CFAP20DC: variants seen among roughly 807,000 people sequenced by gnomAD.
CFAP20DC encodes protein CFAP20DC.
CFAP20DC carries 84 observed loss-of-function variants against 101.7 expected under a neutral mutation model. That is an observed-to-expected ratio of 0.83 (90% CI 0.69 to 0.99). The LOEUF (loss-of-function observed/expected upper bound fraction) is 0.99. Ranked by LOEUF, CFAP20DC falls within the 50% of genes least tolerant of loss-of-function variation. The pLI, the probability that CFAP20DC is intolerant of heterozygous loss-of-function variation, is 0.00. For synonymous variants in CFAP20DC, 359 were observed against 351.2 expected (o/e 1.02, Z -0.25); for missense variants, 1,007 against 970.3 (o/e 1.04, Z -0.50).
intron 13 of CFAP20DC, among the ~76,000 whole-genome samples, chr3:58,835,069 T>C (rs2076646570): frequency 6.6e-6 from 1 of 152,160 alleles, no homozygotes; most frequent in South Asian, 2.1e-4. Flanking sequence ...CCTGTTCTTA[T>C]TATTTTTTCC....
At chr3:58,841,433 T>C (rs190270026) in intron 13 of CFAP20DC, among the ~76,000 whole-genome samples, 2 of 152,358 alleles carry the variant, frequency 1.3e-5, no homozygotes, top group Admixed American at 1.3e-4. Context: ...AATTTACAAA[T>C]TCATTTTTTC....
intron 4 of CFAP20DC, among the ~76,000 whole-genome samples, chr3:58,949,632 C>T (rs1363872442): frequency 2.0e-5 from 3 of 151,994 alleles, no homozygotes; most frequent in African/African-American, 7.2e-5. Context: ...TTTGATTGCA[C>T]AATCCAGCAT....
intron 7 of CFAP20DC, among the ~76,000 whole-genome samples, chr3:58,870,989 A>G (rs1057047490): frequency 2.6e-5 from 4 of 151,932 alleles, no homozygotes; most frequent in Non-Finnish European, 4.4e-5. Flanking sequence ...TTTAAATATA[A>G]TTATTCAACT....
intron 15 of CFAP20DC, among the ~76,000 whole-genome samples, chr3:58,783,116 A>G (rs2071991541): frequency 6.6e-6 from 1 of 152,128 alleles, no homozygotes; most frequent in African/African-American, 2.4e-5. Context: ...GAATCCAGAA[A>G]TAAATCCATA....
In CFAP20DC at chr3:58,931,975, G is replaced by A. The variant is rs148796428; in HGVS notation, c.393+5673C>T. Among the ~76,000 whole-genome samples, 683 of 152,236 alleles carry A rather than the reference G, an allele frequency of 4.5e-3. 3 individuals carry two copies. The highest frequency in any genetic ancestry group is 0.015 in the African/African-American group (630 of 41,546). ...AGGCTTCAGATGATCAAACTACTCC[G>A]AGCTACAGGAGGAAATTCAAACCAA... On this transcript the variant is annotated intron_variant, in intron 5 of 16. Coordinates refer to ENST00000482387, the MANE Select transcript of CFAP20DC (RefSeq NM_001394063.1).
intron 5 of CFAP20DC, among the ~76,000 whole-genome samples, chr3:58,937,250 T>A (rs967334279): frequency 6.6e-6 from 1 of 152,234 alleles, no homozygotes; most frequent in South Asian, 2.1e-4. Flanking sequence ...TCCACGCTTC[T>A]GTCCATGCTG....
chr3:59,029,943 G>A (rs1405320615), intron 4 of CFAP20DC, among the ~76,000 whole-genome samples: 1 of 152,160 alleles, frequency 6.6e-6, no homozygotes, highest in African/African-American at 2.4e-5. Context: ...CTCAAGCAGA[G>A]CTGTTGCTGG....
Position 58,742,539 on chromosome 3 carries a change from T to A in CFAP20DC, c.2366A>T (p.Glu789Val). 6.2e-7 allele frequency: 1 copy of A among 1,608,172 alleles called. No homozygotes were observed. The highest frequency in any genetic ancestry group is 1.7e-5 in the Admixed American group (1 of 59,166). Residue 789 changes from glutamate (E) to valine (V), a missense_variant, in exon 17 of 17, where the codon GAA becomes GTA. Coordinates refer to ENST00000482387, the MANE Select transcript of CFAP20DC (RefSeq NM_001394063.1). Reference protein sequence around the residue: ...EEDLSVEEDEEVLTLLYDPCL... With the variant: ...EEDLSVEEDEVVLTLLYDPCL... ...AGGGTCATACAACAAAGTCAGTACT[T>A]CCTCGTCCTCTTCCACACTGAGGTC...
intron 5 of CFAP20DC, among the ~76,000 whole-genome samples, chr3:58,932,637 G>A (rs1033857582): frequency 1.3e-5 from 2 of 152,120 alleles, no homozygotes; most frequent in South Asian, 4.1e-4. Flanking sequence ...TTAAAGAAAA[G>A]AATTTTCAAC....
intron 14 of CFAP20DC, among the ~76,000 whole-genome samples, chr3:58,820,399 G>C (rs1426615704): frequency 4.7e-5 from 7 of 150,488 alleles, no homozygotes; most frequent in African/African-American, 1.7e-4. Flanking sequence ...AAACCCCATT[G>C]TCTCAGCCCA....
chr3:58,748,571 C>A (rs2068361656), intron 16 of CFAP20DC, among the ~76,000 whole-genome samples: 1 of 152,072 alleles, frequency 6.6e-6, no homozygotes, highest in Admixed American at 6.6e-5. Flanking sequence ...GAAAATATCA[C>A]CCTACTCACA....
chr3:58,949,824 G>A (rs1422088654), intron 4 of CFAP20DC, among the ~76,000 whole-genome samples: 1 of 152,100 alleles, frequency 6.6e-6, no homozygotes, highest in Non-Finnish European at 1.5e-5. Flanking sequence ...ATACTGAATG[G>A]GCAAAAACTG....
chr3:58,825,442 T>C (rs1006600004), intron 14 of CFAP20DC, among the ~76,000 whole-genome samples: 15 of 152,128 alleles, frequency 9.9e-5, no homozygotes, highest in Non-Finnish European at 1.6e-4. Flanking sequence ...AGAGCTGGAA[T>C]TTGAGCCCAG....
intron 4 of CFAP20DC, among the ~76,000 whole-genome samples, chr3:59,000,722 T>C (rs954610149): frequency 2.0e-5 from 3 of 152,090 alleles, no homozygotes; most frequent in Non-Finnish European, 4.4e-5. Context: ...GCATACAGGA[T>C]GTGAAGAACA....
chr3:58,786,368 G>T (rs887939865), intron 15 of CFAP20DC, among the ~76,000 whole-genome samples: 5 of 152,142 alleles, frequency 3.3e-5, no homozygotes, highest in African/African-American at 1.2e-4. Flanking sequence ...GAGGCAGACA[G>T]TAAATACAGT....
At chr3:58,816,838 G>T (rs569065582) in intron 14 of CFAP20DC, among the ~76,000 whole-genome samples, 1 of 152,118 alleles carries the variant, frequency 6.6e-6, no homozygotes, top group Non-Finnish European at 1.5e-5. Flanking sequence ...CTGGGGGCAG[G>T]GCACAGACAA....
At chr3:58,765,507 A>G (rs201381157) in intron 15 of CFAP20DC, among the ~76,000 whole-genome samples, 4 of 146,586 alleles carry the variant, frequency 2.7e-5, no homozygotes, top group African/African-American at 1.0e-4. Flanking sequence ...AAAAAAAAAA[A>G]CAAACAGAAA....
chr3:58,918,926 G>A (rs2085035724), intron 5 of CFAP20DC, among the ~76,000 whole-genome samples: 1 of 152,090 alleles, frequency 6.6e-6, no homozygotes, highest in Non-Finnish European at 1.5e-5. Flanking sequence ...GACATCATTT[G>A]TGCTCAATAA....
chr3:58,719,852 GA>G (rs1192266428), intron 3 of CFAP20DC, among the ~76,000 whole-genome samples: 1 of 152,218 alleles, frequency 6.6e-6, no homozygotes, highest in African/African-American at 2.4e-5. Flanking sequence ...CCAGTAGACA[GA>G]CCACTTGGCA....
Sources: gnomAD v4.1 joint callset for allele counts (sites outside exome capture counted in the v4.1 genomes callset) on GRCh38, gnomAD v4.1.1 for gene constraint, MANE v1.5 for transcripts, NCBI Gene and HGNC (gene_info 2026-07-23, HGNC 2026-07-21) for gene names.